Variants in BTBD9 observed in about 807,000 individuals in gnomAD.
BTBD9 encodes BTB/POZ domain-containing protein 9.
A neutral mutation model predicts 64.3 loss-of-function variants in BTBD9; 49 were observed. That is an observed-to-expected ratio of 0.76 (90% CI 0.61 to 0.97). The LOEUF is 0.97. Among genes scored for constraint, BTBD9 ranks in the 50% least tolerant of loss-of-function variants. BTBD9 has a pLI of 0.00. For synonymous variants in BTBD9, 260 were observed against 274.7 expected (o/e 0.95, Z 0.53); for missense variants, 598 against 762.1 (o/e 0.78, Z 2.53).
At chr6:38,503,498 T>C (rs1259978905) in intron 6 of BTBD9, among the ~76,000 whole-genome samples, 2 of 152,144 alleles carry the variant, frequency 1.3e-5, no homozygotes, top group African/African-American at 4.8e-5. Context: ...GTTACTATTT[T>C]TTTCTCTTAA....
At chr6:38,489,878 C>G (rs1771625098) in intron 6 of BTBD9, among the ~76,000 whole-genome samples, 1 of 152,172 alleles carries the variant, frequency 6.6e-6, no homozygotes, top group Non-Finnish European at 1.5e-5. Context: ...AGATTTTAAC[C>G]TTTTCTTCTA....
chr6:38,457,066 G>C (rs1769851284), intron 6 of BTBD9, among the ~76,000 whole-genome samples: 1 of 152,038 alleles, frequency 6.6e-6, no homozygotes, highest in South Asian at 2.1e-4. Flanking sequence ...AAAGCGCTAG[G>C]GTGGGAAAAA....
chr6:38,567,129 T>C (rs1775559179), intron 6 of BTBD9, among the ~76,000 whole-genome samples: 1 of 152,216 alleles, frequency 6.6e-6, no homozygotes, highest in Admixed American at 6.5e-5. Flanking sequence ...TTTGAAACCA[T>C]AGCATACTGT....
At chr6:38,280,560 C>A (rs965974361) in intron 8 of BTBD9, among the ~76,000 whole-genome samples, 2 of 152,148 alleles carry the variant, frequency 1.3e-5, no homozygotes, top group Non-Finnish European at 2.9e-5. Context: ...ATTCTTCAGG[C>A]TATAAAAAGG....
At chr6:38,563,776 C>CTTTTTTTTT (rs57927975) in intron 6 of BTBD9, among the ~76,000 whole-genome samples, 1 of 113,582 alleles carries the variant, frequency 8.8e-6, no homozygotes, top group Non-Finnish European at 1.7e-5. Context: ...GCCTATCTAA[C>CTTTTTTTTT]TTTTTTTTTT....
At chr6:38,572,890 CAG>C (rs1453491523) in intron 6 of BTBD9, among the ~76,000 whole-genome samples, 6 of 151,578 alleles carry the variant, frequency 4.0e-5, no homozygotes, top group Non-Finnish European at 5.9e-5. Flanking sequence ...AAAAGACTGA[CAG>C]ATTTGAATAC....
chr6:38,318,469 T>C (rs1430677651), intron 7 of BTBD9, among the ~76,000 whole-genome samples: 1 of 150,210 alleles, frequency 6.7e-6, no homozygotes, highest in African/African-American at 2.5e-5. Flanking sequence ...ACTGCAGCCA[T>C]ATCTACACTA....
At chr6:38,250,668 A>T (rs1305695321) in intron 9 of BTBD9, among the ~76,000 whole-genome samples, 1 of 152,262 alleles carries the variant, frequency 6.6e-6, no homozygotes, top group African/African-American at 2.4e-5. Flanking sequence ...AAAGCAGCTA[A>T]CAGAAGATGA....
chr6:38,440,609 A>G (rs1768982023), intron 6 of BTBD9, among the ~76,000 whole-genome samples: 1 of 152,224 alleles, frequency 6.6e-6, no homozygotes, highest in East Asian at 1.9e-4. Context: ...TCTTCCATCA[A>G]GTCCCTTACA....
rs1381406963 is a variant in BTBD9 at position 38,172,479 on chromosome 6, G to A, written c.*2506C>T. On this transcript the variant is annotated 3_prime_UTR_variant, in exon 11 of 11. Transcript: ENST00000481247. ...AGGCCCAGCTGGACACACGAAAAGA[G>A]TTCCTGCCCCAGTCAGAAGGCCCCT... 1 of 152,384 alleles carries A rather than the reference G, an allele frequency of 6.6e-6. No individual in the cohort carries two copies. Among genetic ancestry groups the A allele is most frequent in the Non-Finnish European group, 1.5e-5 (1 of 68,174 alleles). 9.4% of individuals were successfully genotyped at this position (152,384 alleles called of 1,614,324 possible). A position where few individuals can be genotyped will look rare whatever the true frequency, so the allele number is the denominator to read the frequency against.
intron 4 of BTBD9, chr6:38,588,042 C>T: frequency 1.4e-6 from 1 of 729,546 alleles, no homozygotes; most frequent in Middle Eastern, 2.6e-4. Flanking sequence ...AAGATACAAG[C>T]AGGTCAGACT....
At chr6:38,258,492 A>C (rs1056764506) in intron 8 of BTBD9, among the ~76,000 whole-genome samples, 1 of 152,210 alleles carries the variant, frequency 6.6e-6, no homozygotes, top group Non-Finnish European at 1.5e-5. Context: ...AGCTCCTTGA[A>C]GGCAGTGTCT....
chr6:38,588,071 T>C (rs1440475202), intron 4 of BTBD9: 41 of 728,630 alleles, frequency 5.6e-5, no homozygotes, highest in Non-Finnish European at 8.4e-5. Context: ...GCTGTATCAA[T>C]AGTACCAGCA....
intron 1 of BTBD9, among the ~76,000 whole-genome samples, chr6:38,618,400 G>T (rs889778549): frequency 6.6e-6 from 1 of 152,208 alleles, no homozygotes; most frequent in African/African-American, 2.4e-5. Context: ...TCTTTTCATT[G>T]AAGTATAATC....
At chr6:38,513,635 GACACACAC>G (rs139809116) in intron 6 of BTBD9, among the ~76,000 whole-genome samples, 7 of 151,326 alleles carry the variant, frequency 4.6e-5, no homozygotes, top group African/African-American at 1.7e-4. Context: ...TTAATATGAA[GACACACAC>G]ACACACATAC....
intron 7 of BTBD9, among the ~76,000 whole-genome samples, chr6:38,328,871 C>T (rs914652015): frequency 2.0e-5 from 3 of 150,988 alleles, no homozygotes; most frequent in East Asian, 2.0e-4. Context: ...GGCGTGAACC[C>T]GGGAGGTGGA....
chr6:38,555,270 G>C (rs893297926), intron 6 of BTBD9, among the ~76,000 whole-genome samples: 1 of 152,064 alleles, frequency 6.6e-6, no homozygotes, highest in African/African-American at 2.4e-5. Flanking sequence ...GCTGCTGTTC[G>C]TTACCAGCAA....
intron 6 of BTBD9, among the ~76,000 whole-genome samples, chr6:38,546,674 TTTA>T (rs1173915648): frequency 6.6e-6 from 1 of 152,218 alleles, no homozygotes; most frequent in Non-Finnish European, 1.5e-5. Flanking sequence ...GTTTGTTTGT[TTTA>T]TTTTGTTTTG....
rs1766913411 is a variant in BTBD9 at position 38,174,487 on chromosome 6, T to G, written c.*498A>C. The stretch of plus-strand genomic sequence containing the variant: ...TCAAATAGATCCGGAACACCTATGA[T>G]TCACTGAGTGGAGAATAACTAAAAC... On this transcript the variant is annotated 3_prime_UTR_variant, in exon 11 of 11. Transcript: ENST00000481247. 1 of 155,140 alleles carries G rather than the reference T, an allele frequency of 6.4e-6. No individual in the cohort carries two copies. The highest frequency in any genetic ancestry group is 1.4e-5 in the Non-Finnish European group (1 of 70,180). The allele number at this position is 155,140 out of a possible 1,614,324, so 9.6% of individuals were successfully genotyped here.
Sources: allele counts gnomAD v4.1 joint callset (sites outside exome capture counted in the v4.1 genomes callset), GRCh38; gene constraint gnomAD v4.1.1; transcripts MANE v1.5; gene names NCBI Gene and HGNC (gene_info 2026-07-23, HGNC 2026-07-21).